The following KMT2E variants were observed in gnomAD, a reference collection of about 807,000 sequenced individuals.
KMT2E encodes lysine methyltransferase 2E (inactive).
In KMT2E, 30 loss-of-function variants were observed where a neutral mutation model predicts 184.6. The ratio of observed to expected loss-of-function variants is 0.16; its 90% CI spans 0.12 to 0.22. The LOEUF is 0.22. Ranked by LOEUF, KMT2E falls within the 10% of genes least tolerant of loss-of-function variation. KMT2E has a pLI of 1.00. For synonymous variants in KMT2E, 815 were observed against 776.5 expected (o/e 1.05, Z -0.82); for missense variants, 2,023 against 2,237.4 (o/e 0.90, Z 1.93).
At chr7:105,030,549 G>A (rs527253283) in intron 1 of KMT2E, among the ~76,000 whole-genome samples, 1 of 152,030 alleles carries the variant, frequency 6.6e-6, no homozygotes, top group Non-Finnish European at 1.5e-5. Flanking sequence ...CACTTTTTTT[G>A]AATAGGTCAA....
chr7:105,081,544 T>TA (rs1797765811), intron 12 of KMT2E, 144 bp from the exon 13 acceptor site: 1 of 578,616 alleles, frequency 1.7e-6, no homozygotes, highest in African/African-American at 1.9e-5. Context: ...CACCAATAGA[T>TA]AGTTATAAGC....
At chr7:105,103,342 A>G (rs1220365175) in intron 17 of KMT2E, 1 of 152,202 alleles carries the variant, frequency 6.6e-6, no homozygotes, top group African/African-American at 2.4e-5. Context: ...TAAACAACAT[A>G]CTGTTTGACA....
At chr7:105,056,144 C>CT (rs2129566621) in intron 3 of KMT2E, among the ~76,000 whole-genome samples, 1 of 152,144 alleles carries the variant, frequency 6.6e-6, no homozygotes, top group African/African-American at 2.4e-5. Context: ...CCAGGGGTCT[C>CT]TGAGCTTTTT....
chr7:105,068,639 G>GTTTTTTTTT (rs1162488673), intron 6 of KMT2E, among the ~76,000 whole-genome samples: 2 of 111,526 alleles, frequency 1.8e-5, no homozygotes, highest in Non-Finnish European at 1.7e-5. Context: ...TTTTTTTTTT[G>GTTTTTTTTT]TTTTTTTTTT....
intron 13 of KMT2E, among the ~76,000 whole-genome samples, chr7:105,087,208 T>A (rs967568569): frequency 4.1e-5 from 6 of 146,564 alleles, no homozygotes; most frequent in African/African-American, 1.5e-4. Flanking sequence ...TATATATGCT[T>A]ATATAATATA....
chr7:105,083,953 T>G (rs999566133), intron 13 of KMT2E, among the ~76,000 whole-genome samples: 1 of 152,192 alleles, frequency 6.6e-6, no homozygotes, highest in Non-Finnish European at 1.5e-5. Context: ...ATGTTATCAT[T>G]TAATGACTTC....
In KMT2E at chr7:105,111,743, G is replaced by A. The variant is rs775349012; in HGVS notation, c.4069-82G>A. On this transcript the variant is annotated intron_variant, in intron 26 of 26. Transcript: ENST00000311117. ...GCCCCCCATTAAAATTAATATTTAG[G>A]TAGTATTAAATACCAACAAGAATAA... 386 of 1,430,714 alleles carry A rather than the reference G, an allele frequency of 2.7e-4. 2 individuals carry two copies. Among genetic ancestry groups the A allele is most frequent in the Non-Finnish European group, 3.3e-4 (348 of 1,062,534 alleles). 88.6% of individuals were successfully genotyped at this position (1,430,714 alleles called of 1,614,324 possible).
intron 24 of KMT2E, 40 bp downstream of exon 24, chr7:105,110,408 T>G: frequency 1.2e-6 from 2 of 1,613,794 alleles, no homozygotes; most frequent in Non-Finnish European, 1.7e-6. Flanking sequence ...TGGAATCAGT[T>G]AATCACTCTG....
At chr7:105,029,247 C>A (rs984968131) in intron 1 of KMT2E, among the ~76,000 whole-genome samples, 1 of 152,030 alleles carries the variant, frequency 6.6e-6, no homozygotes, top group Non-Finnish European at 1.5e-5. Flanking sequence ...AAAAAAAACA[C>A]TACTTGAAGG....
At chr7:105,036,623 T>C (rs922503559) in intron 1 of KMT2E, among the ~76,000 whole-genome samples, 2 of 152,196 alleles carry the variant, frequency 1.3e-5, no homozygotes, top group Non-Finnish European at 2.9e-5. Flanking sequence ...AATGCACCTA[T>C]ACCATAGGCT....
intron 6 of KMT2E, among the ~76,000 whole-genome samples, chr7:105,068,510 C>A (rs764771090): frequency 1.3e-5 from 2 of 151,690 alleles, no homozygotes; most frequent in African/African-American, 2.4e-5. Context: ...CTACGTGTGA[C>A]CACAGCTCAC....
At chr7:105,038,601 T>C (rs1795757213) in intron 2 of KMT2E, 1 of 152,230 alleles carries the variant, frequency 6.6e-6, no homozygotes, top group Non-Finnish European at 1.5e-5. Flanking sequence ...AACCTCATGA[T>C]CCACCCGCCT....
At chr7:105,096,215 C>G (rs186045548) in intron 15 of KMT2E, among the ~76,000 whole-genome samples, 24 of 129,664 alleles carry the variant, frequency 1.9e-4, no homozygotes. Context: ...GATGGCATCA[C>G]TGCACTCCAG....
At position 105,107,450 on chromosome 7, in the gene KMT2E, T is replaced by C; in HGVS notation, c.2993T>C (p.Ile998Thr). The C allele has an allele frequency of 1.2e-6, 2 of 1,614,046 alleles. No individual in the cohort carries two copies. The highest frequency in any genetic ancestry group is 1.7e-6 in the Non-Finnish European group (2 of 1,179,960). The change falls in exon 22 of 27, where the codon ATT (isoleucine) becomes ACT (threonine). Residue 998 changes from isoleucine to threonine, a missense_variant. Ile to Thr is a moderately conservative substitution (Grantham distance 89). Transcript: ENST00000311117. ...TELGLQEIKT[I>T]GYTSPRSRTE... ...CTGGGTCTGCAAGAAATAAAGACTA[T>C]TGGTTATACGAGCCCTAGGAGTAGG...
chr7:105,040,725 T>A (rs1190320209), intron 2 of KMT2E, 114 bp from the exon 3 acceptor site: 6 of 344,034 alleles, frequency 1.7e-5, no homozygotes, highest in Non-Finnish European at 3.1e-5. Flanking sequence ...TGAGAGAGAC[T>A]CTAAGCAAAT....
At chr7:105,099,812 T>C (rs1798580154) in intron 15 of KMT2E, among the ~76,000 whole-genome samples, 1 of 152,176 alleles carries the variant, frequency 6.6e-6, no homozygotes, top group African/African-American at 2.4e-5. Flanking sequence ...TAGTAATTAA[T>C]CCCTCCTCTC....
At chr7:105,027,568 G>T (rs1795223646) in intron 1 of KMT2E, among the ~76,000 whole-genome samples, 1 of 152,016 alleles carries the variant, frequency 6.6e-6, no homozygotes, top group South Asian at 2.1e-4. Context: ...TTGGATATGT[G>T]GATCTATTAA....
At chr7:105,067,285 T>C (rs891967565) in intron 6 of KMT2E, among the ~76,000 whole-genome samples, 1 of 152,054 alleles carries the variant, frequency 6.6e-6, no homozygotes, top group African/African-American at 2.4e-5. Flanking sequence ...ATCTTCTACC[T>C]GATGGCATCT....
At chr7:105,071,836 C>G (rs113400520) in intron 6 of KMT2E, among the ~76,000 whole-genome samples, 1 of 151,364 alleles carries the variant, frequency 6.6e-6, no homozygotes, top group Non-Finnish European at 1.5e-5. Flanking sequence ...GACAGACTTG[C>G]ATTTTTGCCA....
Sources: gnomAD v4.1 joint callset for allele counts (sites outside exome capture counted in the v4.1 genomes callset) on GRCh38, gnomAD v4.1.1 for gene constraint, MANE v1.5 for transcripts, NCBI Gene and HGNC (gene_info 2026-07-23, HGNC 2026-07-21) for gene names.